The following EFCAB6 variants were observed in gnomAD, a reference collection of about 807,000 sequenced individuals.
The protein encoded by EFCAB6 is EF-hand calcium binding domain 6, also known as EF-hand calcium-binding domain-containing protein 6.
A neutral mutation model predicts 169.8 loss-of-function variants in EFCAB6; 156 were observed. The ratio of observed to expected loss-of-function variants is 0.92; its 90% CI spans 0.81 to 1.05. The LOEUF (loss-of-function observed/expected upper bound fraction) is 1.05. Ranked by LOEUF, EFCAB6 falls within the 50% of genes least tolerant of loss-of-function variation. The probability of loss-of-function intolerance (pLI) is 0.00; values close to 1 mark genes in which losing one functional copy is unlikely to be tolerated. For missense variants in EFCAB6, 1,800 were observed against 1,829.1 expected, an observed-to-expected ratio of 0.98 and a Z score of 0.29; for synonymous variants, 698 against 676.4, an observed-to-expected ratio of 1.03 and a Z score of -0.50.
intron 21 of EFCAB6, among the ~76,000 whole-genome samples, chr22:43,614,401 T>C (rs2053548872): frequency 6.6e-6 from 1 of 152,092 alleles, no homozygotes. Context: ...CAATAAATGG[T>C]GCTGGAACAA....
chr22:43,568,806 C>T (rs2049623085), intron 26 of EFCAB6, among the ~76,000 whole-genome samples: 1 of 152,174 alleles, frequency 6.6e-6, no homozygotes, highest in African/African-American at 2.4e-5. Flanking sequence ...AAAATTCAAC[C>T]ACACAAATTA....
chr22:43,621,778 T>C (rs1311329133), intron 20 of EFCAB6, among the ~76,000 whole-genome samples: 1 of 151,978 alleles, frequency 6.6e-6, no homozygotes, highest in African/African-American at 2.4e-5. Flanking sequence ...TCTGTGAAAG[T>C]GGGAAGCCTT....
Position 43,628,082 on chromosome 22 carries a change from AC to A in EFCAB6, c.2233-1404del, listed in dbSNP as rs961368088. On this transcript the variant is annotated intron_variant, in intron 19 of 31. Coordinates refer to ENST00000262726, the MANE Select transcript of EFCAB6 (RefSeq NM_022785.4). The surrounding 1 kb of genome is among the most constrained non-coding windows in gnomAD (Gnocchi z 4.8). ...TCTATACTCTCAGCCCCAAGCCGCC[AC>A]CCCCCTGACCCACAGCCTCACATCT... Among the ~76,000 whole-genome samples, 1 of 151,272 alleles carries A rather than the reference AC, an allele frequency of 6.6e-6. No homozygotes were observed. Among genetic ancestry groups the A allele is most frequent in the Non-Finnish European group, 1.5e-5 (1 of 67,820 alleles).
chr22:43,677,980 T>C lies in EFCAB6; in HGVS notation c.1419+16A>G, dbSNP rs1300186662. On this transcript the variant is annotated intron_variant, in intron 13 of 31. Transcript: ENST00000262726. Reference sequence around the variant, plus strand: ...CATAAAGAGAAAACCAAACAGGAAGTTGTTACAAAACTCACCCTACAGTTC... The same window carrying C: ...CATAAAGAGAAAACCAAACAGGAAGCTGTTACAAAACTCACCCTACAGTTC... The C allele has an allele frequency of 7.5e-6, 12 of 1,597,542 alleles. No individual in the cohort carries two copies. The Admixed American group carries it at 1.6e-4, about 21-fold the overall frequency.
intron 10 of EFCAB6, among the ~76,000 whole-genome samples, chr22:43,707,488 T>G (rs1224489644): frequency 6.6e-6 from 1 of 151,878 alleles, no homozygotes; most frequent in East Asian, 1.9e-4. Flanking sequence ...GTAGGGAAAC[T>G]GTAAAGTAAC....
At chr22:43,763,314 C>T (rs540718358) in intron 5 of EFCAB6, among the ~76,000 whole-genome samples, 21 of 152,272 alleles carry the variant, frequency 1.4e-4, no homozygotes, top group Middle Eastern at 3.4e-3. Context: ...GCTGGGATTA[C>T]AGGCACGAGC....
At chr22:43,630,311 C>T (rs2147869783) in intron 19 of EFCAB6, among the ~76,000 whole-genome samples, 1 of 152,350 alleles carries the variant, frequency 6.6e-6, no homozygotes, top group South Asian at 2.1e-4. Flanking sequence ...TCCTCTGTTT[C>T]ACCCACTAGT....
intron 1 of EFCAB6, among the ~76,000 whole-genome samples, chr22:43,810,583 C>T (rs572086786): frequency 1.3e-5 from 2 of 152,334 alleles, no homozygotes; most frequent in East Asian, 3.9e-4. Context: ...GGAGCTGGTT[C>T]TGTCTCCAGG....
intron 12 of EFCAB6, among the ~76,000 whole-genome samples, chr22:43,679,700 C>T (rs140609809): frequency 2.0e-3 from 302 of 152,224 alleles, no homozygotes; most frequent in African/African-American, 7.1e-3. Flanking sequence ...AGTGGTATCT[C>T]GTGGCTTTGA....
intron 23 of EFCAB6, among the ~76,000 whole-genome samples, 153 bp downstream of exon 23, chr22:43,599,916 C>A (rs1028342717): frequency 1.3e-5 from 2 of 152,200 alleles, no homozygotes; most frequent in African/African-American, 4.8e-5. Context: ...TGACTTCGCA[C>A]CAATTTCTAG....
At chr22:43,645,765 A>G (rs1324817213) in intron 17 of EFCAB6, among the ~76,000 whole-genome samples, 2 of 152,200 alleles carry the variant, frequency 1.3e-5, no homozygotes, top group South Asian at 2.1e-4. Flanking sequence ...GTGTTTTACT[A>G]TAGATCAGTC....
intron 20 of EFCAB6, among the ~76,000 whole-genome samples, chr22:43,622,185 G>T (rs2054156421): frequency 6.6e-6 from 1 of 152,180 alleles, no homozygotes; most frequent in South Asian, 2.1e-4. Flanking sequence ...AGCTAGCAGT[G>T]CCATGATACC....
At chr22:43,601,654 T>A (rs1602536228) in intron 22 of EFCAB6, among the ~76,000 whole-genome samples, 1 of 152,218 alleles carries the variant, frequency 6.6e-6, no homozygotes, top group South Asian at 2.1e-4. Flanking sequence ...TTGAGCTGGG[T>A]GAACAATAAA....
intron 2 of EFCAB6, chr22:43,797,342 T>A (rs775999033): frequency 2.0e-5 from 3 of 152,594 alleles, no homozygotes; most frequent in Non-Finnish European, 4.4e-5. Context: ...TATTTCTGAC[T>A]TTGGGAATGC....
chr22:43,683,272 T>C (rs1285539743), intron 12 of EFCAB6, among the ~76,000 whole-genome samples: 1 of 152,194 alleles, frequency 6.6e-6, no homozygotes, highest in East Asian at 1.9e-4. Flanking sequence ...AAAAGCAGGT[T>C]GCAAATTCAT....
At chr22:43,769,754 G>A (rs1346550081) in intron 4 of EFCAB6, among the ~76,000 whole-genome samples, 1 of 152,070 alleles carries the variant, frequency 6.6e-6, no homozygotes, top group Non-Finnish European at 1.5e-5. Context: ...GGGTGAGGAG[G>A]GCATCATCAT....
rs2058128480 is a variant in EFCAB6, at chr22:43,684,801, C to T, written c.1143-946G>A. Among the ~76,000 whole-genome samples the T allele has an allele frequency of 2.0e-5, 3 of 152,310 alleles. No homozygotes were observed. In the South Asian group the frequency reaches 6.2e-4, roughly 32 times the overall value. On this transcript the variant is annotated intron_variant, in intron 11 of 31. Coordinates refer to ENST00000262726, the MANE Select transcript of EFCAB6 (RefSeq NM_022785.4). ...TGGCATGAAGAGATGCTTTTTACAG[C>T]AGATTTTATCCACCGGGTACCCCTG...
intron 17 of EFCAB6, among the ~76,000 whole-genome samples, chr22:43,656,427 G>A (rs1000337505): frequency 9.9e-5 from 15 of 151,864 alleles, no homozygotes; most frequent in African/African-American, 3.6e-4. Context: ...AAAACAATGT[G>A]GTAAGGATAT....
At chr22:43,785,155 C>A (rs2062028995) in intron 2 of EFCAB6, among the ~76,000 whole-genome samples, 1 of 152,122 alleles carries the variant, frequency 6.6e-6, no homozygotes, top group South Asian at 2.1e-4. Flanking sequence ...CATAGAAGAT[C>A]TGAACACCAC....
Sources: allele counts gnomAD v4.1 joint callset (sites outside exome capture counted in the v4.1 genomes callset), GRCh38; gene constraint gnomAD v4.1.1; non-coding constraint Gnocchi (gnomAD v3.1); transcripts MANE v1.5; gene names NCBI Gene and HGNC (gene_info 2026-07-23, HGNC 2026-07-21).